CECR2: variants seen among roughly 807,000 people sequenced by gnomAD.
CECR2 encodes chromatin remodeling regulator CECR2.
A neutral mutation model predicts 154.5 loss-of-function variants in CECR2; 30 were observed. The observed-to-expected ratio is 0.19, with a 90% CI of 0.15 to 0.26. The LOEUF is 0.26. CECR2 is among the 10% of genes least tolerant of loss of function. CECR2 has a pLI of 1.00. For synonymous variants in CECR2, 725 were observed against 683.7 expected (o/e 1.06, Z -0.94); for missense variants, 1,743 against 1,829.3 (o/e 0.95, Z 0.86).
At chr22:17,416,038 T>C (rs2054152540) in intron 1 of CECR2, among the ~76,000 whole-genome samples, 1 of 152,204 alleles carries the variant, frequency 6.6e-6, no homozygotes, top group Non-Finnish European at 1.5e-5. Flanking sequence ...TCCAGGCCCT[T>C]CCCATTTTTG....
rs2053945581 is a variant in CECR2 at position 17,404,361 on chromosome 22, G to GTTTTTTTTTTT, written c.126+34454_126+34455insTTTTTTTTTTT. ...ACATGTGGGTTCATTTCTGGACCCT[G>GTTTTTTTTTTT]TTCTTTCTTTTTTTTTTTTTTTTTT... On this transcript the variant is annotated intron_variant, in intron 1 of 18. Coordinates refer to ENST00000262608, the MANE Select transcript of CECR2 (RefSeq NM_001290047.2). Among the ~76,000 whole-genome samples the GTTTTTTTTTTT allele has an allele frequency of 2.1e-4, 16 of 74,800 alleles. 1 individual carries two copies. The highest frequency in any genetic ancestry group is 2.8e-4 in the Non-Finnish European group (11 of 39,944). 49.1% of individuals were successfully genotyped at this position (74,800 alleles called of 152,430 possible).
At chr22:17,446,534 G>A (rs370516219) in intron 1 of CECR2, among the ~76,000 whole-genome samples, 12 of 152,208 alleles carry the variant, frequency 7.9e-5, no homozygotes, top group Admixed American at 2.6e-4. Context: ...TGGCTAACAC[G>A]GTGAAACCCC....
chr22:17,459,092 T>TA lies in CECR2; in HGVS notation c.127-18495dup, dbSNP rs541646465. On this transcript the variant is annotated intron_variant, in intron 1 of 18. Transcript: ENST00000262608. ...CTTCTCTCCCTTCTGATTATTGAGT[T>TA]ACACAAAAGTATTTCAAGGACAGAC... Among the ~76,000 whole-genome samples, 27 of 152,328 alleles carry TA rather than the reference T, an allele frequency of 1.8e-4. No individual in the cohort carries two copies. The East Asian group carries it at 4.8e-3, about 27-fold the overall frequency.
chr22:17,433,762 G>A (rs1245250717), intron 1 of CECR2, among the ~76,000 whole-genome samples: 1 of 152,150 alleles, frequency 6.6e-6, no homozygotes. Flanking sequence ...TCTTCACAGT[G>A]TTACTGTGAA....
chr22:17,431,812 A>G (rs545064335), intron 1 of CECR2, among the ~76,000 whole-genome samples: 1 of 152,110 alleles, frequency 6.6e-6, no homozygotes, highest in Non-Finnish European at 1.5e-5. Context: ...GATATTCACA[A>G]ACCGTACAAT....
At position 17,369,588 on chromosome 22, in the gene CECR2, G is replaced by T. The variant is rs2063029753; in HGVS notation, c.-196G>T. ...AGCCGCAGCCGCCTCAGTAGTTCGG[G>T]CCCCCGCGCCGCCGCCCCCCGCCCG... On this transcript the variant is annotated 5_prime_UTR_variant, in exon 1 of 19. Coordinates refer to ENST00000262608, the MANE Select transcript of CECR2 (RefSeq NM_001290047.2). 1 of 147,044 alleles carries T rather than the reference G, an allele frequency of 6.8e-6. No homozygotes were observed. 9.1% of individuals were successfully genotyped at this position (147,044 alleles called of 1,614,324 possible).
intron 1 of CECR2, among the ~76,000 whole-genome samples, chr22:17,471,188 C>T (rs2055120878): frequency 6.6e-6 from 1 of 152,148 alleles, no homozygotes; most frequent in Non-Finnish European, 1.5e-5. Context: ...AGCCACACAC[C>T]GTGGAACCCA....
chr22:17,513,100 G>A (rs174293), intron 8 of CECR2, among the ~76,000 whole-genome samples: 75,889 of 151,852 alleles, frequency 0.5, 19,615 homozygotes, highest in African/African-American at 0.62. Context: ...TCATTCTGTA[G>A]TGTAGCTCAG....
At position 17,469,599 on chromosome 22, in the gene CECR2, T is replaced by TTG. The variant is rs1569102510; in HGVS notation, c.127-7988_127-7987insGT. On this transcript the variant is annotated intron_variant, in intron 1 of 18. Transcript: ENST00000262608. ...CTCTTTTGATGATAACATTGTTTTT[T>TTG]TTTTTTTTTTCCAGTAAGAATCCAG... Among the ~76,000 whole-genome samples, 7 of 138,346 alleles carry TTG rather than the reference T, an allele frequency of 5.1e-5. No individual in the cohort carries two copies. In the South Asian group the frequency reaches 7.3e-4, roughly 14 times the overall value. The allele number at this position is 138,346 out of a possible 152,430, so 90.8% of individuals were successfully genotyped here.
chr22:17,505,583 C>T (rs1176831459), intron 7 of CECR2, among the ~76,000 whole-genome samples: 1 of 131,738 alleles, frequency 7.6e-6, no homozygotes, highest in Non-Finnish European at 1.5e-5. Context: ...TCCCAGGCTG[C>T]AGTGCAGCGG....
intron 2 of CECR2, among the ~76,000 whole-genome samples, chr22:17,483,614 A>G (rs1214783622): frequency 2.0e-5 from 3 of 152,174 alleles, no homozygotes; most frequent in Non-Finnish European, 4.4e-5. Context: ...AGAAAAAAAT[A>G]TTTTTGTATA....
intron 1 of CECR2, among the ~76,000 whole-genome samples, chr22:17,390,145 C>T (rs2063311022): frequency 6.6e-6 from 1 of 152,138 alleles, no homozygotes; most frequent in Admixed American, 6.6e-5. Flanking sequence ...GTTGTTGAGT[C>T]TCTTTAGTCT....
intron 1 of CECR2, among the ~76,000 whole-genome samples, chr22:17,392,428 C>G (rs1475353064): frequency 3.3e-5 from 5 of 152,062 alleles, no homozygotes; most frequent in Non-Finnish European, 7.4e-5. Context: ...GCGGAGGTTG[C>G]AGTGAGCCAA....
At chr22:17,470,782 C>G (rs760914536) in intron 1 of CECR2, among the ~76,000 whole-genome samples, 7 of 152,214 alleles carry the variant, frequency 4.6e-5, no homozygotes, top group Non-Finnish European at 1.0e-4. Context: ...TCTTCCCAGA[C>G]TAGACCAGGG....
intron 8 of CECR2, among the ~76,000 whole-genome samples, chr22:17,516,721 A>C (rs1020535369): frequency 6.6e-5 from 10 of 152,006 alleles, no homozygotes; most frequent in African/African-American, 2.4e-4. Flanking sequence ...CAGCCTCACG[A>C]GTAGCTGGGA....
At chr22:17,494,000 G>C (rs5747204) in intron 2 of CECR2, among the ~76,000 whole-genome samples, 2 of 152,126 alleles carry the variant, frequency 1.3e-5, no homozygotes, top group Non-Finnish European at 2.9e-5. Context: ...GAAAGCATGC[G>C]GTAGATAAAG....
intron 1 of CECR2, among the ~76,000 whole-genome samples, chr22:17,410,404 C>T (rs1473265642): frequency 6.7e-6 from 1 of 149,064 alleles, no homozygotes; most frequent in Non-Finnish European, 1.5e-5. Context: ...CATTTACTTT[C>T]TGATCCCCCT....
chr22:17,436,603 G>T (rs1285298873), intron 1 of CECR2, among the ~76,000 whole-genome samples: 2 of 152,220 alleles, frequency 1.3e-5, no homozygotes, highest in Non-Finnish European at 2.9e-5. Flanking sequence ...AGCTGCCTCT[G>T]TTCCTACTTC....
At chr22:17,485,535 G>A (rs1485854241) in intron 2 of CECR2, among the ~76,000 whole-genome samples, 3 of 152,170 alleles carry the variant, frequency 2.0e-5, no homozygotes, top group South Asian at 2.1e-4. Flanking sequence ...TTGGGAGGCC[G>A]AGGCAGGCCG....
Sources: allele counts gnomAD v4.1 joint callset (sites outside exome capture counted in the v4.1 genomes callset), GRCh38; gene constraint gnomAD v4.1.1; transcripts MANE v1.5; gene names NCBI Gene and HGNC (gene_info 2026-07-23, HGNC 2026-07-21).